CBFB: variants seen among roughly 807,000 people sequenced by gnomAD.
CBFB encodes the protein CBF-beta.
A neutral mutation model predicts 30.4 loss-of-function variants in CBFB; 9 were observed. The ratio of observed to expected loss-of-function variants is 0.30; its 90% CI spans 0.18 to 0.52. CBFB has a LOEUF of 0.52. Ranked by LOEUF, CBFB falls within the 20% of genes least tolerant of loss-of-function variation. CBFB has a pLI of 0.97. For missense variants in CBFB, 170 were observed against 244.0 expected (o/e 0.70, Z 2.02); for synonymous variants, 94 against 84.0 (o/e 1.12, Z -0.65).
intron 4 of CBFB, among the ~76,000 whole-genome samples, chr16:67,071,252 C>T (rs1237061844): frequency 6.6e-6 from 1 of 152,158 alleles, no homozygotes; most frequent in East Asian, 1.9e-4. Flanking sequence ...CTCTCATGAA[C>T]TGAATGTTTG....
intron 3 of CBFB, among the ~76,000 whole-genome samples, chr16:67,044,172 C>T (rs1328971349): frequency 6.6e-6 from 1 of 152,060 alleles, no homozygotes; most frequent in African/African-American, 2.4e-5. Flanking sequence ...TACATGTATT[C>T]TGTGTCTCAT....
At chr16:67,050,579 G>C (rs1597133293) in intron 3 of CBFB, among the ~76,000 whole-genome samples, 1 of 152,086 alleles carries the variant, frequency 6.6e-6, no homozygotes, top group Non-Finnish European at 1.5e-5. Context: ...AGGATTGCTT[G>C]AGTCCAGGAG....
chr16:67,069,513 TAAATG>T (rs374801159), intron 4 of CBFB, among the ~76,000 whole-genome samples: 2 of 152,270 alleles, frequency 1.3e-5, no homozygotes, highest in African/African-American at 2.4e-5. Context: ...CGTATTAACA[TAAATG>T]TAATGAAAGT....
intron 4 of CBFB, among the ~76,000 whole-genome samples, chr16:67,078,640 A>G (rs1485198036): frequency 6.6e-6 from 1 of 152,158 alleles, no homozygotes; most frequent in South Asian, 2.1e-4. Flanking sequence ...GCAAATATTA[A>G]TAATGATACT....
At chr16:67,056,782 A>G (rs910616316) in intron 3 of CBFB, among the ~76,000 whole-genome samples, 5 of 152,074 alleles carry the variant, frequency 3.3e-5, no homozygotes, top group Non-Finnish European at 7.4e-5. Context: ...CCCGGGTTCA[A>G]GCAGGTCTCC....
At chr16:67,079,962 A>G (rs116117467) in intron 4 of CBFB, among the ~76,000 whole-genome samples, 3,183 of 152,220 alleles carry the variant, frequency 0.021, 104 homozygotes, top group African/African-American at 0.072. Context: ...GCCGGGCATG[A>G]TGATGCTCAC....
intron 4 of CBFB, among the ~76,000 whole-genome samples, chr16:67,079,643 G>C (rs55712185): frequency 1.1e-4 from 16 of 151,092 alleles, no homozygotes; most frequent in African/African-American, 3.6e-4. Flanking sequence ...GCATCTCTGA[G>C]CACTGCATCA....
chr16:67,047,396 GGATGAAAAACCTTTTACCCAT>G (rs376903751), intron 3 of CBFB, among the ~76,000 whole-genome samples: 1 of 152,130 alleles, frequency 6.6e-6, no homozygotes, highest in African/African-American at 2.4e-5. Flanking sequence ...TTGTTTTTGT[GGATGAAAAACCTTTTACCCAT>G]GTATGCAGTC....
At chr16:67,046,345 C>T (rs1455904993) in intron 3 of CBFB, among the ~76,000 whole-genome samples, 1 of 152,136 alleles carries the variant, frequency 6.6e-6, no homozygotes, top group Non-Finnish European at 1.5e-5. Flanking sequence ...AAGCAATCCT[C>T]TCGCCTTGGC....
intron 5 of CBFB, among the ~76,000 whole-genome samples, chr16:67,084,493 G>A (rs971198911): frequency 3.3e-5 from 5 of 152,116 alleles, no homozygotes; most frequent in African/African-American, 7.2e-5. Context: ...AGTGGTTGCC[G>A]GGGAAATGGG....
intron 3 of CBFB, among the ~76,000 whole-genome samples, chr16:67,056,331 CA>C (rs952108029): frequency 5.9e-5 from 9 of 152,068 alleles, no homozygotes; most frequent in Non-Finnish European, 1.2e-4. Context: ...AGTGAATCAG[CA>C]ATATATATTG....
At chr16:67,067,132 C>T (rs892024440) in intron 4 of CBFB, among the ~76,000 whole-genome samples, 13 of 151,352 alleles carry the variant, frequency 8.6e-5, no homozygotes, top group Admixed American at 6.6e-4. Context: ...ATGTAGGAGC[C>T]GTGCTTTTGG....
chr16:67,045,380 G>A (rs1367889621), intron 3 of CBFB, among the ~76,000 whole-genome samples: 1 of 152,096 alleles, frequency 6.6e-6, no homozygotes, highest in Non-Finnish European at 1.5e-5. Flanking sequence ...AGCCAGGTAT[G>A]CTGGCATGTG....
intron 4 of CBFB, among the ~76,000 whole-genome samples, chr16:67,069,835 A>G (rs894105059): frequency 6.6e-6 from 1 of 152,190 alleles, no homozygotes; most frequent in Non-Finnish European, 1.5e-5. Context: ...AAGAAAATGT[A>G]AAAGCAGATT....
At chr16:67,053,023 GAAAA>G (rs1031096437) in intron 3 of CBFB, among the ~76,000 whole-genome samples, 3 of 144,926 alleles carry the variant, frequency 2.1e-5, no homozygotes, top group Non-Finnish European at 3.0e-5. Flanking sequence ...AAAAAAAAAA[GAAAA>G]AAAGAGAAAG....
intron 3 of CBFB, among the ~76,000 whole-genome samples, chr16:67,053,820 C>T (rs553917793): frequency 6.6e-6 from 1 of 151,448 alleles, no homozygotes; most frequent in Non-Finnish European, 1.5e-5. Flanking sequence ...CTTCTAGGCT[C>T]ACCATGACCT....
chr16:67,046,256 G>T (rs990732789), intron 3 of CBFB, among the ~76,000 whole-genome samples: 1 of 151,662 alleles, frequency 6.6e-6, no homozygotes, highest in African/African-American at 2.4e-5. Flanking sequence ...ACAGGCACGC[G>T]CCACCATGCC....
rs1966285771 is a variant in CBFB at position 67,029,314 on chromosome 16, CG to C, written c.-91del. Reference sequence around the variant, plus strand: ...AAGGGAAGCGGGCGTCCGGGCGCCGCGGGTGGGCGGTCAGTCGGTCAGCGCG... The same window carrying C: ...AAGGGAAGCGGGCGTCCGGGCGCCGCGGTGGGCGGTCAGTCGGTCAGCGCG... On this transcript the variant is annotated 5_prime_UTR_variant, in exon 1 of 6. Coordinates refer to ENST00000412916, the MANE Select transcript of CBFB (RefSeq NM_022845.3). The C allele has an allele frequency of 1.2e-6, 1 of 842,148 alleles. No individual in the cohort carries two copies. Among genetic ancestry groups the C allele is most frequent in the Non-Finnish European group, 1.6e-6 (1 of 624,718 alleles). The allele number at this position is 842,148 out of a possible 1,614,324, so 52.2% of individuals were successfully genotyped here.
chr16:67,033,754 G>A (rs773435935), intron 2 of CBFB, among the ~76,000 whole-genome samples: 4 of 150,492 alleles, frequency 2.7e-5, no homozygotes, highest in African/African-American at 7.4e-5. Flanking sequence ...TGGGACTACA[G>A]TCGCCTGCCA....
Sources: allele counts gnomAD v4.1 joint callset (sites outside exome capture counted in the v4.1 genomes callset), GRCh38; gene constraint gnomAD v4.1.1; transcripts MANE v1.5; gene names NCBI Gene and HGNC (gene_info 2026-07-23, HGNC 2026-07-21).